MCCC2: variants seen among roughly 807,000 people sequenced by gnomAD.
MCCC2 encodes methylcrotonyl-CoA carboxylase subunit 2, also known as methylcrotonoyl-CoA carboxylase beta chain, mitochondrial.
A neutral mutation model predicts 77.2 loss-of-function variants in MCCC2; 52 were observed. That is an observed-to-expected ratio of 0.67 (90% confidence interval 0.54 to 0.85). The LOEUF (loss-of-function observed/expected upper bound fraction) is 0.85. MCCC2 is among the 40% of genes least tolerant of loss of function. The pLI, the probability that MCCC2 is intolerant of heterozygous loss-of-function variation, is 0.00. For synonymous variants in MCCC2, 253 were observed against 248.4 expected (o/e 1.02, Z -0.18); for missense variants, 682 against 703.2 (o/e 0.97, Z 0.34).
At chr5:71,615,323 C>T (rs146769418) in intron 6 of MCCC2, among the ~76,000 whole-genome samples, 4,478 of 152,292 alleles carry the variant, frequency 0.029, 97 homozygotes, top group South Asian at 0.079. Context: ...CTCCTTCAAA[C>T]CTCCATGCCC....
chr5:71,593,558 A>G (rs1242346073), intron 2 of MCCC2, among the ~76,000 whole-genome samples: 1 of 151,566 alleles, frequency 6.6e-6, no homozygotes, highest in Non-Finnish European at 1.5e-5. Flanking sequence ...TTTAATTTTT[A>G]TTAATTTTTT....
intron 11 of MCCC2, among the ~76,000 whole-genome samples, chr5:71,642,004 C>T (rs990080804): frequency 6.6e-6 from 1 of 152,166 alleles, no homozygotes; most frequent in Admixed American, 6.5e-5. Context: ...ATGTAACAGT[C>T]ATTGTGTAGC....
At chr5:71,644,749 G>A (rs1199297276) in intron 12 of MCCC2, among the ~76,000 whole-genome samples, 4 of 152,018 alleles carry the variant, frequency 2.6e-5, no homozygotes, top group African/African-American at 7.2e-5. Flanking sequence ...GCAGGTAATA[G>A]GCAGTTAAGC....
chr5:71,642,491 G>A (rs1254833425), intron 11 of MCCC2, among the ~76,000 whole-genome samples: 1 of 152,176 alleles, frequency 6.6e-6, no homozygotes, highest in Non-Finnish European at 1.5e-5. Context: ...CCCTCTATGG[G>A]TGTCCCTAGT....
At chr5:71,590,413 T>C (rs1186133593) in intron 1 of MCCC2, among the ~76,000 whole-genome samples, 2 of 152,342 alleles carry the variant, frequency 1.3e-5, no homozygotes, top group East Asian at 3.9e-4. Flanking sequence ...GTGCTTTTCT[T>C]CTTTGACCCA....
At chr5:71,615,851 G>A (rs918339314) in intron 6 of MCCC2, among the ~76,000 whole-genome samples, 2 of 149,242 alleles carry the variant, frequency 1.3e-5, no homozygotes, top group Non-Finnish European at 2.9e-5. Context: ...GAATTTCCTG[G>A]GTGATAGGAG....
Position 71,646,236 on chromosome 5 carries a change from G to A in MCCC2, c.1175G>A (p.Cys392Tyr), listed in dbSNP as rs936731067. ...KKGTHFVQLCCQRNIPLLFLQ... is the reference protein window; with the variant it reads ...KKGTHFVQLCYQRNIPLLFLQ... ...GGTACTCACTTTGTCCAGTTATGCTGCCAAAGAAATATTCCTCTGCTGTTC... is the reference window on the plus strand; with the variant it reads ...GGTACTCACTTTGTCCAGTTATGCTACCAAAGAAATATTCCTCTGCTGTTC... Residue 392 changes from cysteine to tyrosine, a missense_variant, in exon 13 of 17, where the codon TGC (cysteine) becomes TAC (tyrosine). Cys to Tyr is a radical substitution (Grantham distance 194, BLOSUM62 -2). Transcript: ENST00000340941. The A allele has an allele frequency of 2.5e-6, 4 of 1,613,746 alleles. No homozygotes were observed. The highest frequency in any genetic ancestry group is 2.7e-5 in the African/African-American group (2 of 74,994).
chr5:71,610,502 A>G (rs1408233974), intron 6 of MCCC2, among the ~76,000 whole-genome samples: 1 of 152,146 alleles, frequency 6.6e-6, no homozygotes, highest in Non-Finnish European at 1.5e-5. Context: ...AGTACCTCAG[A>G]TGGAAATGCA....
At chr5:71,604,544 G>A in intron 6 of MCCC2, 76 bp downstream of exon 6, 1 of 1,109,914 alleles carries the variant, frequency 9.0e-7, no homozygotes, top group Non-Finnish European at 1.4e-6. Flanking sequence ...ACTCTGGGAT[G>A]GCTTGAAAGT....
rs1423864223 is a variant in MCCC2 at position 71,656,909 on chromosome 5, T to C, written c.*49T>C. ...TGGACATGTACTGAAAATTAACACATGTAGTAGCCTTAAAATTTTAGACTT... is the reference window on the plus strand; with the variant it reads ...TGGACATGTACTGAAAATTAACACACGTAGTAGCCTTAAAATTTTAGACTT... On this transcript the variant is annotated 3_prime_UTR_variant, in exon 17 of 17. Coordinates refer to ENST00000340941, the MANE Select transcript of MCCC2 (RefSeq NM_022132.5). 7.1e-7 allele frequency: 1 copy of C among 1,405,718 alleles called. No homozygotes were observed. The highest frequency in any genetic ancestry group is 1.4e-5 in the African/African-American group (1 of 70,920). The allele number at this position is 1,405,718 out of a possible 1,614,324, so 87.1% of individuals were successfully genotyped here. A position where few individuals can be genotyped will look rare whatever the true frequency, so the allele number is the denominator to read the frequency against.
chr5:71,601,835 T>G (rs1193079493), intron 4 of MCCC2, among the ~76,000 whole-genome samples: 3 of 152,164 alleles, frequency 2.0e-5, no homozygotes, highest in Non-Finnish European at 4.4e-5. Context: ...CCAGCTGTGG[T>G]TGTTGGCCGC....
chr5:71,605,486 T>C (rs1350650234), intron 6 of MCCC2, among the ~76,000 whole-genome samples: 1 of 151,938 alleles, frequency 6.6e-6, no homozygotes, highest in African/African-American at 2.4e-5. Context: ...TAGCCCTTTG[T>C]CAGATGAGTA....
At position 71,657,470 on chromosome 5, in the gene MCCC2, A is replaced by G. The variant is rs1747615631; in HGVS notation, c.*610A>G. 6.6e-6 allele frequency: 1 copy of G among 152,070 alleles called. No individual in the cohort carries two copies. The highest frequency in any genetic ancestry group is 1.5e-5 in the Non-Finnish European group (1 of 68,606). 9.4% of individuals were successfully genotyped at this position (152,070 alleles called of 1,614,324 possible). A position where few individuals can be genotyped will look rare whatever the true frequency, so the allele number is the denominator to read the frequency against. On this transcript the variant is annotated 3_prime_UTR_variant, in exon 17 of 17. Transcript: ENST00000340941. ...GAGACAGGGTGTTTCTCTGTTGCCCAGGCTGGAGTGCGGTGGTGTGATCTC... is the reference window on the plus strand; with the variant it reads ...GAGACAGGGTGTTTCTCTGTTGCCCGGGCTGGAGTGCGGTGGTGTGATCTC...
At chr5:71,609,955 C>T (rs1046535428) in intron 6 of MCCC2, among the ~76,000 whole-genome samples, 3 of 152,050 alleles carry the variant, frequency 2.0e-5, no homozygotes, top group Non-Finnish European at 4.4e-5. Flanking sequence ...GCTGGGAGAA[C>T]CACTGCTCTC....
At position 71,656,924 on chromosome 5, in the gene MCCC2, A is replaced by G. The variant is rs1747597049; in HGVS notation, c.*64A>G. 8.8e-6 allele frequency: 11 copies of G among 1,248,424 alleles called. No homozygotes were observed. The South Asian group carries it at 1.3e-4, about 15-fold the overall frequency. The allele number at this position is 1,248,424 out of a possible 1,614,324, so 77.3% of individuals were successfully genotyped here. ...AATTAACACATGTAGTAGCCTTAAA[A>G]TTTTAGACTTCTCGAACATGAGGCT... On this transcript the variant is annotated 3_prime_UTR_variant, in exon 17 of 17. Transcript: ENST00000340941.
intron 6 of MCCC2, among the ~76,000 whole-genome samples, chr5:71,605,664 C>T (rs1745641568): frequency 6.6e-6 from 1 of 151,534 alleles, no homozygotes; most frequent in African/African-American, 2.4e-5. Context: ...ATGCCTATGT[C>T]CTGAATGGTA....
chr5:71,644,031 G>A, intron 12 of MCCC2, 136 bp downstream of exon 12: 2 of 828,348 alleles, frequency 2.4e-6, no homozygotes, highest in Non-Finnish European at 3.8e-6. Context: ...GTGTGCGCGG[G>A]CATGTGTGTG....
intron 10 of MCCC2, among the ~76,000 whole-genome samples, chr5:71,637,947 C>A (rs1436794658): frequency 6.6e-6 from 1 of 152,004 alleles, no homozygotes; most frequent in Non-Finnish European, 1.5e-5. Context: ...CTCCGGACTT[C>A]ATGATCTGCC....
intron 6 of MCCC2, among the ~76,000 whole-genome samples, chr5:71,619,467 G>A (rs1379980728): frequency 1.3e-5 from 2 of 152,134 alleles, no homozygotes; most frequent in Non-Finnish European, 2.9e-5. Context: ...ATGTTGCCCA[G>A]GCTGGTCTCA....
Sources: gnomAD v4.1 joint callset for allele counts (sites outside exome capture counted in the v4.1 genomes callset) on GRCh38, gnomAD v4.1.1 for gene constraint, MANE v1.5 for transcripts, NCBI Gene and HGNC (gene_info 2026-07-23, HGNC 2026-07-21) for gene names.